Variants in PTPRK observed in about 807,000 individuals in gnomAD.
The protein encoded by PTPRK is receptor-type tyrosine-protein phosphatase kappa.
A neutral mutation model predicts 178.0 loss-of-function variants in PTPRK; 75 were observed. The observed-to-expected ratio is 0.42, with a 90% confidence interval of 0.35 to 0.51. The LOEUF is 0.51. Among genes scored for constraint, PTPRK ranks in the 20% least tolerant of loss-of-function variants. The pLI, the probability that PTPRK is intolerant of heterozygous loss-of-function variation, is 0.02. For synonymous variants in PTPRK, 637 were observed against 620.6 expected (o/e 1.03, Z -0.39); for missense variants, 1,441 against 1,797.8 (o/e 0.80, Z 3.59).
intron 1 of PTPRK, among the ~76,000 whole-genome samples, chr6:128,399,245 T>C (rs889030004): frequency 1.3e-5 from 2 of 152,244 alleles, no homozygotes; most frequent in East Asian, 3.9e-4. Context: ...AATCTGAGTA[T>C]AAGTGAAAGT....
chr6:128,413,623 A>G (rs1842541298), intron 1 of PTPRK, among the ~76,000 whole-genome samples: 1 of 152,142 alleles, frequency 6.6e-6, no homozygotes, highest in South Asian at 2.1e-4. Context: ...GGCACGGCAC[A>G]TTTGAGAAAT....
Position 128,240,095 on chromosome 6 carries a change from GT to G in PTPRK, c.632del (p.Asn211ThrfsTer30). ...CTGTGGCAATGCACTGAAATGTAGC[GT>G]TTTGCCCTGCATTCACCTCTACATC... ...LGDVEVNAGQ[N>X]ATFQCIATGR... is the part of the protein sequence containing the mutation. On this transcript the variant is annotated frameshift_variant, in exon 5 of 30. Coordinates refer to ENST00000368226, the MANE Select transcript of PTPRK (RefSeq NM_002844.4). LOFTEE classifies it high-confidence loss of function. 6.2e-7 allele frequency: 1 copy of G among 1,614,040 alleles called. No individual in the cohort carries two copies. The highest frequency in any genetic ancestry group is 8.5e-7 in the Non-Finnish European group (1 of 1,179,954).
At chr6:128,504,917 T>A (rs1386117049) in intron 1 of PTPRK, among the ~76,000 whole-genome samples, 1 of 152,100 alleles carries the variant, frequency 6.6e-6, no homozygotes, top group East Asian at 1.9e-4. Context: ...GCAGTCTGCT[T>A]TCCAAATAAT....
intron 13 of PTPRK, among the ~76,000 whole-genome samples, chr6:128,027,083 A>G (rs1774439740): frequency 6.6e-6 from 1 of 152,250 alleles, no homozygotes; most frequent in African/African-American, 2.4e-5. Flanking sequence ...TATCCTAATT[A>G]GCAACAATCA....
chr6:128,214,019 GT>G (rs1808751058), intron 6 of PTPRK, among the ~76,000 whole-genome samples: 1 of 152,062 alleles, frequency 6.6e-6, no homozygotes, highest in Non-Finnish European at 1.5e-5. Context: ...GCCAGGGTCA[GT>G]CCCACTCCTC....
At chr6:128,482,809 T>C (rs1015219354) in intron 1 of PTPRK, among the ~76,000 whole-genome samples, 13 of 152,174 alleles carry the variant, frequency 8.5e-5, no homozygotes, top group South Asian at 2.1e-4. Flanking sequence ...TTCTGGGAAT[T>C]CTTCTGACAG....
chr6:128,117,654 AT>A (rs1284268309), intron 7 of PTPRK, among the ~76,000 whole-genome samples: 2 of 151,986 alleles, frequency 1.3e-5, no homozygotes, highest in African/African-American at 4.8e-5. Context: ...AAATATTCAT[AT>A]TATTTATGTA....
chr6:128,309,453 A>G (rs1018983260), intron 3 of PTPRK, among the ~76,000 whole-genome samples: 2 of 152,262 alleles, frequency 1.3e-5, no homozygotes, highest in African/African-American at 4.8e-5. Flanking sequence ...AAATCATTAC[A>G]GACCAGATGC....
intron 6 of PTPRK, among the ~76,000 whole-genome samples, chr6:128,202,396 CTGTG>C (rs1806127638): frequency 2.6e-5 from 4 of 152,192 alleles, no homozygotes; most frequent in Admixed American, 2.0e-4. Context: ...ATACACAGAG[CTGTG>C]TGATGTCCCA....
At chr6:128,358,651 C>T (rs895012085) in intron 2 of PTPRK, among the ~76,000 whole-genome samples, 1 of 152,182 alleles carries the variant, frequency 6.6e-6, no homozygotes, top group African/African-American at 2.4e-5. Context: ...TCTTCAGTAG[C>T]AGAATACCTA....
At chr6:128,155,318 A>G (rs1488073921) in intron 7 of PTPRK, among the ~76,000 whole-genome samples, 1 of 151,736 alleles carries the variant, frequency 6.6e-6, no homozygotes, top group Non-Finnish European at 1.5e-5. Flanking sequence ...CATTAAAATC[A>G]TCACCTAAAT....
At chr6:128,157,185 C>G (rs1255727808) in intron 7 of PTPRK, among the ~76,000 whole-genome samples, 1 of 151,940 alleles carries the variant, frequency 6.6e-6, no homozygotes, top group Middle Eastern at 3.2e-3. Flanking sequence ...GTTCCAGACT[C>G]CACTAGAGAA....
intron 1 of PTPRK, among the ~76,000 whole-genome samples, chr6:128,402,705 C>A (rs1841187793): frequency 6.6e-6 from 1 of 152,054 alleles, no homozygotes; most frequent in Admixed American, 6.5e-5. Flanking sequence ...GTACTTTATA[C>A]CTGCTCTAAT....
intron 1 of PTPRK, among the ~76,000 whole-genome samples, chr6:128,407,165 G>GTATTTAAGTCATCATTAGTTAC (rs1380434725): frequency 2.0e-5 from 3 of 152,156 alleles, no homozygotes; most frequent in Non-Finnish European, 4.4e-5. Flanking sequence ...TCATTAGTTA[G>GTATTTAAGTCATCATTAGTTAC]TATTTTAGTT....
At chr6:128,410,146 A>C (rs1197681406) in intron 1 of PTPRK, among the ~76,000 whole-genome samples, 1 of 152,212 alleles carries the variant, frequency 6.6e-6, no homozygotes, top group East Asian at 1.9e-4. Flanking sequence ...CATGAAAATC[A>C]TGGTATAGAG....
At chr6:128,085,262 G>C (rs1473178134) in intron 8 of PTPRK, 2 of 152,256 alleles carry the variant, frequency 1.3e-5, no homozygotes. Flanking sequence ...CTGCTCCACA[G>C]TACCAGCAAG....
chr6:128,362,258 G>C (rs1389430394), intron 2 of PTPRK, among the ~76,000 whole-genome samples: 2 of 152,072 alleles, frequency 1.3e-5, no homozygotes, highest in African/African-American at 2.4e-5. Flanking sequence ...GGAGGAAAGT[G>C]CTACATATTT....
At chr6:128,385,313 T>C (rs1838549979) in intron 2 of PTPRK, among the ~76,000 whole-genome samples, 1 of 152,096 alleles carries the variant, frequency 6.6e-6, no homozygotes, top group South Asian at 2.1e-4. Context: ...ATTCACTTCC[T>C]TGCCTTGTAA....
At chr6:128,356,497 A>G (rs543623794) in intron 2 of PTPRK, among the ~76,000 whole-genome samples, 5 of 152,236 alleles carry the variant, frequency 3.3e-5, no homozygotes, top group Admixed American at 3.3e-4. Context: ...AGCAATGAGA[A>G]CTATTGGCAA....
Sources: gnomAD v4.1 joint callset for allele counts (sites outside exome capture counted in the v4.1 genomes callset) on GRCh38, gnomAD v4.1.1 for gene constraint, MANE v1.5 for transcripts, NCBI Gene and HGNC (gene_info 2026-07-23, HGNC 2026-07-21) for gene names.